Variants in TRHDE observed in about 807,000 individuals in gnomAD.
The protein encoded by TRHDE is thyrotropin releasing hormone degrading enzyme, also known as thyrotropin-releasing hormone-degrading ectoenzyme.
In TRHDE, 72 loss-of-function variants were observed where a neutral mutation model predicts 125.7. That is an observed-to-expected ratio of 0.57 (90% CI 0.47 to 0.70). The LOEUF is 0.70. Ranked by LOEUF, TRHDE falls within the 30% of genes least tolerant of loss-of-function variation. The pLI is 0.00. For missense variants in TRHDE, 1,110 were observed against 1,327.1 expected, an observed-to-expected ratio of 0.84 and a Z score of 2.54; for synonymous variants, 509 against 509.1, an observed-to-expected ratio of 1.00 and a Z score of 0.00.
chr12:72,382,787 G>C (rs1021506586), intron 3 of TRHDE, among the ~76,000 whole-genome samples: 10 of 152,138 alleles, frequency 6.6e-5, no homozygotes, highest in African/African-American at 2.2e-4. Flanking sequence ...TCATTTTGCT[G>C]TTCTGTCATA....
chr12:72,225,995 A>G (rs1565667215), intron 2 of TRHDE, among the ~76,000 whole-genome samples: 2 of 152,222 alleles, frequency 1.3e-5, no homozygotes, highest in Admixed American at 1.3e-4. Flanking sequence ...TCTAGGTGTC[A>G]GCAAGGACCG....
intron 5 of TRHDE, among the ~76,000 whole-genome samples, chr12:72,483,201 C>T (rs1877253550): frequency 6.6e-6 from 1 of 151,866 alleles, no homozygotes; most frequent in Non-Finnish European, 1.5e-5. Context: ...CATCAATGCC[C>T]TCTAAGTCTC....
At position 72,292,872 on chromosome 12, in the gene TRHDE, T is replaced by C. The variant is rs116024450; in HGVS notation, c.1188+5918T>C. ...CATTTGAAAATGTAGCAACAAAAAG[T>C]AACCATTTTTAATGCTCACTGCGGA... is the stretch of plus-strand genomic sequence containing the variant. On this transcript the variant is annotated intron_variant, in intron 2 of 18. Transcript: ENST00000261180. 3.1e-3 allele frequency among the ~76,000 whole-genome samples: 475 copies of C among 152,270 alleles called. 2 individuals carry two copies. Among genetic ancestry groups the C allele is most frequent in the African/African-American group, 0.011 (457 of 41,550 alleles).
intron 2 of TRHDE, chr12:72,255,449 T>C (rs1314146083): frequency 2.6e-5 from 4 of 152,278 alleles, no homozygotes; most frequent in African/African-American, 9.6e-5. Context: ...TGATCCATTG[T>C]GAGTAGGTTC....
At chr12:72,618,271 T>G (rs1307306610) in intron 12 of TRHDE, among the ~76,000 whole-genome samples, 6 of 152,288 alleles carry the variant, frequency 3.9e-5, no homozygotes, top group African/African-American at 1.2e-4. Flanking sequence ...CACATTTTAT[T>G]TTGAAAGGAA....
intron 1 of TRHDE, among the ~76,000 whole-genome samples, chr12:72,091,404 C>G (rs976724537): frequency 6.6e-6 from 1 of 152,156 alleles, no homozygotes; most frequent in Non-Finnish European, 1.5e-5. Context: ...GTACAAGCCT[C>G]TTTTTAAAAA....
At chr12:72,618,358 C>T (rs530657265) in intron 12 of TRHDE, among the ~76,000 whole-genome samples, 8 of 152,044 alleles carry the variant, frequency 5.3e-5, no homozygotes, top group Admixed American at 2.6e-4. Flanking sequence ...AGATTTTTAT[C>T]GGTGTTATGG....
intron 2 of TRHDE, among the ~76,000 whole-genome samples, chr12:72,142,693 C>T (rs988331814): frequency 6.6e-6 from 1 of 152,126 alleles, no homozygotes; most frequent in Non-Finnish European, 1.5e-5. Flanking sequence ...AAACCCCAGG[C>T]TCCAGCAGCA....
intron 1 of TRHDE, among the ~76,000 whole-genome samples, chr12:72,103,406 C>G (rs772214037): frequency 1.3e-5 from 2 of 152,090 alleles, no homozygotes; most frequent in Non-Finnish European, 2.9e-5. Flanking sequence ...AGGCCCTAAC[C>G]AGGTCACAGG....
intron 3 of TRHDE, among the ~76,000 whole-genome samples, chr12:72,445,706 T>C (rs577624636): frequency 6.6e-6 from 1 of 152,002 alleles, no homozygotes; most frequent in South Asian, 2.1e-4. Flanking sequence ...GATCAGACAT[T>C]ACAAATGGAC....
At chr12:72,167,866 C>T (rs1876786788) in intron 2 of TRHDE, among the ~76,000 whole-genome samples, 1 of 152,144 alleles carries the variant, frequency 6.6e-6, no homozygotes, top group African/African-American at 2.4e-5. Flanking sequence ...TCTGCTTGTT[C>T]AGAGGCCTAA....
At chr12:72,449,016 C>T (rs1483041740) in intron 3 of TRHDE, among the ~76,000 whole-genome samples, 1 of 151,958 alleles carries the variant, frequency 6.6e-6, no homozygotes, top group Non-Finnish European at 1.5e-5. Flanking sequence ...GCAGTCGGTA[C>T]TGTGCCATAT....
chr12:72,088,135 G>A (rs1429930182), intron 1 of TRHDE, among the ~76,000 whole-genome samples: 1 of 152,136 alleles, frequency 6.6e-6, no homozygotes, highest in African/African-American at 2.4e-5. Flanking sequence ...TGGGTGCTTA[G>A]GCTGAGTAAG....
intron 3 of TRHDE, among the ~76,000 whole-genome samples, chr12:72,464,943 G>GT (rs1381287213): frequency 6.6e-6 from 1 of 152,070 alleles, no homozygotes; most frequent in South Asian, 2.1e-4. Flanking sequence ...TCTGTCTATA[G>GT]TTTTTTGTAC....
chr12:72,538,253 A>G (rs1306587790), intron 6 of TRHDE, among the ~76,000 whole-genome samples: 1 of 152,002 alleles, frequency 6.6e-6, no homozygotes, highest in African/African-American at 2.4e-5. Context: ...TCTCTCTTAA[A>G]TATGGCCTAC....
chr12:72,373,864 G>A (rs576740566), intron 2 of TRHDE, among the ~76,000 whole-genome samples: 155 of 152,298 alleles, frequency 1.0e-3, no homozygotes, highest in African/African-American at 3.4e-3. Flanking sequence ...AAAGGGATTA[G>A]ATTAGTATAG....
At chr12:72,587,800 C>G (rs1244221998) in intron 12 of TRHDE, among the ~76,000 whole-genome samples, 1 of 151,962 alleles carries the variant, frequency 6.6e-6, no homozygotes, top group East Asian at 1.9e-4. Flanking sequence ...TTAAAATATT[C>G]ACCTACTTCA....
chr12:72,432,597 C>G (rs1874543141), intron 3 of TRHDE, among the ~76,000 whole-genome samples: 1 of 152,118 alleles, frequency 6.6e-6, no homozygotes, highest in Non-Finnish European at 1.5e-5. Context: ...GTTTTTCCCA[C>G]CACTCTGACC....
chr12:72,431,553 T>C (rs1400804099), intron 3 of TRHDE, among the ~76,000 whole-genome samples: 1 of 152,160 alleles, frequency 6.6e-6, no homozygotes, highest in Non-Finnish European at 1.5e-5. Flanking sequence ...TCTGCTATTT[T>C]TCCACTCACA....
Sources: gnomAD v4.1 joint callset for allele counts (sites outside exome capture counted in the v4.1 genomes callset) on GRCh38, gnomAD v4.1.1 for gene constraint, MANE v1.5 for transcripts, NCBI Gene and HGNC (gene_info 2026-07-23, HGNC 2026-07-21) for gene names.